CSMD1: variants seen among roughly 807,000 people sequenced by gnomAD.
CSMD1 encodes CUB and Sushi multiple domains 1.
CSMD1 carries 213 observed loss-of-function variants against 417.5 expected under a neutral mutation model. The ratio of observed to expected loss-of-function variants is 0.51; its 90% CI spans 0.46 to 0.57. CSMD1 has a LOEUF of 0.57. CSMD1 is among the 20% of genes least tolerant of loss of function. The pLI is 0.00. For synonymous variants in CSMD1, 2,862 were observed against 1,736.8 expected (o/e 1.65, Z -16.11); for missense variants, 6,923 against 4,529.7 (o/e 1.53, Z -15.17).
intron 2 of CSMD1, among the ~76,000 whole-genome samples, chr8:4,609,225 C>A (rs1444580752): frequency 6.6e-6 from 1 of 152,050 alleles, no homozygotes; most frequent in African/African-American, 2.4e-5. Flanking sequence ...GATGGTGAAA[C>A]CCTGTATCTA....
intron 5 of CSMD1, among the ~76,000 whole-genome samples, chr8:3,937,487 A>C (rs1810580458): frequency 6.6e-6 from 1 of 152,158 alleles, no homozygotes; most frequent in Admixed American, 6.6e-5. Context: ...CCACCAGCAA[A>C]AAGATGATGA....
intron 1 of CSMD1, among the ~76,000 whole-genome samples, chr8:4,854,412 A>G (rs375192111): frequency 2.0e-5 from 3 of 152,164 alleles, no homozygotes; most frequent in East Asian, 3.9e-4. Flanking sequence ...GGATCGAGCC[A>G]AGATGGCCGA....
chr8:4,831,137 G>C (rs537053632), intron 1 of CSMD1, among the ~76,000 whole-genome samples: 1 of 152,118 alleles, frequency 6.6e-6, no homozygotes. Flanking sequence ...GTAAAACTTC[G>C]TTAAATCATC....
chr8:4,932,201 G>A (rs1465681023), intron 1 of CSMD1, among the ~76,000 whole-genome samples: 1 of 151,998 alleles, frequency 6.6e-6, no homozygotes, highest in African/African-American at 2.4e-5. Flanking sequence ...TGTAAACTTT[G>A]AATTTGCTCC....
intron 2 of CSMD1, among the ~76,000 whole-genome samples, chr8:4,524,212 A>G (rs987163211): frequency 2.0e-5 from 3 of 152,042 alleles, no homozygotes; most frequent in Non-Finnish European, 4.4e-5. Flanking sequence ...ATATATTTAT[A>G]TATTAAACAT....
Position 4,141,577 on chromosome 8 carries a change from G to A in CSMD1, c.416-109478C>T, listed in dbSNP as rs150218826. Among the ~76,000 whole-genome samples the A allele has an allele frequency of 4.0e-5, 6 of 151,180 alleles. No homozygotes were observed. In the East Asian group the frequency reaches 7.7e-4, roughly 19 times the overall value. ...AAGCTCTTACAAACCTGTACAGAAC[G>A]AGTAACTGTACTAAGAAATGGAGTT... On this transcript the variant is annotated intron_variant, in intron 3 of 69. Coordinates refer to ENST00000635120, the MANE Select transcript of CSMD1 (RefSeq NM_033225.6).
intron 5 of CSMD1, among the ~76,000 whole-genome samples, chr8:3,866,223 T>G (rs1377925683): frequency 6.6e-6 from 1 of 152,224 alleles, no homozygotes; most frequent in Non-Finnish European, 1.5e-5. Flanking sequence ...TAATTCTAGT[T>G]TTGTTGCCAC....
chr8:3,827,138 G>A (rs11985649), intron 5 of CSMD1, among the ~76,000 whole-genome samples: 1,548 of 152,174 alleles, frequency 0.01, 27 homozygotes, highest in African/African-American at 0.035. Context: ...AACCCTACAT[G>A]TGCTCACACA....
At chr8:4,960,851 T>C (rs980085141) in intron 1 of CSMD1, among the ~76,000 whole-genome samples, 4 of 152,176 alleles carry the variant, frequency 2.6e-5, no homozygotes, top group African/African-American at 4.8e-5. Context: ...TCATAAGTTA[T>C]ATAATAATAA....
At chr8:3,433,850 T>G (rs761167917) in intron 12 of CSMD1, among the ~76,000 whole-genome samples, 4 of 152,224 alleles carry the variant, frequency 2.6e-5, no homozygotes, top group Admixed American at 6.5e-5. Context: ...CATTCTCTGT[T>G]GCACTGGAAA....
chr8:4,982,639 T>G (rs1810959138), intron 1 of CSMD1, among the ~76,000 whole-genome samples: 1 of 152,232 alleles, frequency 6.6e-6, no homozygotes, highest in Non-Finnish European at 1.5e-5. Context: ...TCACTTCAAC[T>G]TGTCATATAA....
intron 4 of CSMD1, among the ~76,000 whole-genome samples, chr8:4,021,478 C>T (rs1175760618): frequency 6.6e-6 from 1 of 152,136 alleles, no homozygotes; most frequent in Admixed American, 6.5e-5. Context: ...AAGCGTGTGG[C>T]AGTTGAATCC....
At chr8:4,957,195 T>C (rs984597530) in intron 1 of CSMD1, among the ~76,000 whole-genome samples, 1 of 152,206 alleles carries the variant, frequency 6.6e-6, no homozygotes, top group African/African-American at 2.4e-5. Context: ...CCTGTAGACC[T>C]AAAGCTATAG....
chr8:3,908,125 A>G (rs1266708459), intron 5 of CSMD1, among the ~76,000 whole-genome samples: 1 of 152,172 alleles, frequency 6.6e-6, no homozygotes, highest in African/African-American at 2.4e-5. Context: ...CCCCTCTGAG[A>G]ATAACAAATA....
intron 26 of CSMD1, 114 bp downstream of exon 26, chr8:3,284,030 C>G (rs1473349480): frequency 2.2e-6 from 2 of 906,016 alleles, no homozygotes; most frequent in Non-Finnish European, 3.4e-6. Flanking sequence ...TCAAATTAGG[C>G]TCAATAAATT....
chr8:4,431,053 G>C (rs1013214147), intron 2 of CSMD1, among the ~76,000 whole-genome samples: 1 of 152,094 alleles, frequency 6.6e-6, no homozygotes, highest in African/African-American at 2.4e-5. Context: ...AACTCGTGGA[G>C]TGTCCATTTT....
intron 68 of CSMD1, among the ~76,000 whole-genome samples, chr8:2,948,412 T>C (rs1050718854): frequency 6.6e-6 from 1 of 151,980 alleles, no homozygotes; most frequent in Non-Finnish European, 1.5e-5. Flanking sequence ...CCTCCTTTAA[T>C]CACTAAGGCA....
At chr8:3,551,488 T>C (rs944343850) in intron 10 of CSMD1, among the ~76,000 whole-genome samples, 12 of 151,852 alleles carry the variant, frequency 7.9e-5, no homozygotes, top group African/African-American at 2.2e-4. Flanking sequence ...ATAACTTTTA[T>C]TGTGACTGTT....
intron 10 of CSMD1, among the ~76,000 whole-genome samples, chr8:3,563,431 G>A (rs117928733): frequency 0.2 from 18,495 of 92,982 alleles, 1,643 homozygotes; most frequent in Non-Finnish European, 0.25. Flanking sequence ...AATAGGTAAC[G>A]TATTAAAAGG....
Sources: gnomAD v4.1 joint callset for allele counts (sites outside exome capture counted in the v4.1 genomes callset) on GRCh38, gnomAD v4.1.1 for gene constraint, MANE v1.5 for transcripts, NCBI Gene and HGNC (gene_info 2026-07-23, HGNC 2026-07-21) for gene names.